Variants in ROBO2 observed in about 807,000 individuals in gnomAD.
ROBO2 encodes the protein roundabout guidance receptor 2, also known as roundabout homolog 2.
Under a neutral mutation model 160.8 loss-of-function variants are expected in ROBO2, and 53 were observed. That is an observed-to-expected ratio of 0.33 (90% CI 0.26 to 0.41). The LOEUF (loss-of-function observed/expected upper bound fraction) is 0.41, where lower values mean the gene tolerates loss of function less well. Among genes scored for constraint, ROBO2 ranks in the 10% least tolerant of loss-of-function variants. The probability of loss-of-function intolerance (pLI) is 1.00; values close to 1 mark genes in which losing one functional copy is unlikely to be tolerated. For missense variants in ROBO2, 1,577 were observed against 1,722.4 expected (o/e 0.92, Z 1.49); for synonymous variants, 664 against 611.7 (o/e 1.09, Z -1.26).
intron 19 of ROBO2, among the ~76,000 whole-genome samples, chr3:77,601,595 T>C (rs2094431360): frequency 6.6e-6 from 1 of 152,204 alleles, no homozygotes; most frequent in African/African-American, 2.4e-5. Flanking sequence ...CTGAGATTGC[T>C]TTTTCTATAG....
At chr3:76,318,180 A>T (rs2072202759) in intron 2 of ROBO2, among the ~76,000 whole-genome samples, 1 of 152,138 alleles carries the variant, frequency 6.6e-6, no homozygotes, top group Non-Finnish European at 1.5e-5. Context: ...ATATTAAAGT[A>T]GGTATATTAA....
chr3:75,992,558 C>T (rs1003184609), intron 2 of ROBO2, among the ~76,000 whole-genome samples: 3 of 152,120 alleles, frequency 2.0e-5, no homozygotes, highest in Admixed American at 6.5e-5. Flanking sequence ...TCAGGGAGAA[C>T]CTCTGCTAGG....
intron 2 of ROBO2, among the ~76,000 whole-genome samples, chr3:77,230,700 C>T (rs577208954): frequency 2.0e-4 from 31 of 152,248 alleles, no homozygotes; most frequent in African/African-American, 6.7e-4. Flanking sequence ...GTAAGGTTGG[C>T]TTCCACATTA....
intron 5 of ROBO2, among the ~76,000 whole-genome samples, chr3:77,521,362 G>A (rs2153627172): frequency 6.6e-6 from 1 of 151,286 alleles, no homozygotes; most frequent in East Asian, 2.0e-4. Flanking sequence ...TGCAGTGAGT[G>A]AAGCAGACAA....
chr3:77,339,289 A>C (rs2066815415), intron 2 of ROBO2, among the ~76,000 whole-genome samples: 1 of 152,128 alleles, frequency 6.6e-6, no homozygotes, highest in South Asian at 2.1e-4. Context: ...GACTGTAATT[A>C]AATGAGCAAA....
At chr3:77,608,087 C>A in intron 21 of ROBO2, 133 bp downstream of exon 22, 1 of 794,446 alleles carries the variant, frequency 1.3e-6, no homozygotes, top group Middle Eastern at 3.5e-4. Context: ...ATTTCCCCCT[C>A]TTTCATTGTT....
At chr3:76,610,493 C>A (rs1374036715) in intron 2 of ROBO2, among the ~76,000 whole-genome samples, 1 of 152,180 alleles carries the variant, frequency 6.6e-6, no homozygotes, top group Non-Finnish European at 1.5e-5. Flanking sequence ...CCCAGAGATG[C>A]CAGCAATTGT....
chr3:76,580,354 GT>G (rs1457222056), intron 2 of ROBO2, among the ~76,000 whole-genome samples: 15 of 46,340 alleles, frequency 3.2e-4, no homozygotes, highest in East Asian at 6.4e-4. Flanking sequence ...TTTTTTTTTT[GT>G]TTTTTTTTTT....
At chr3:76,657,514 G>A (rs979648295) in intron 2 of ROBO2, among the ~76,000 whole-genome samples, 1 of 150,706 alleles carries the variant, frequency 6.6e-6, no homozygotes, top group Non-Finnish European at 1.5e-5. Context: ...GTGAGGCCAA[G>A]ACAGGATAAT....
intron 1 of ROBO2, among the ~76,000 whole-genome samples, chr3:77,052,331 T>A (rs747325941): frequency 2.2e-4 from 33 of 152,150 alleles, no homozygotes; most frequent in Non-Finnish European, 4.0e-4. Flanking sequence ...GGATGAGGGT[T>A]GCTAAAGAGA....
chr3:77,345,731 A>C (rs1213894156), intron 2 of ROBO2, among the ~76,000 whole-genome samples: 7 of 152,160 alleles, frequency 4.6e-5, no homozygotes, highest in Non-Finnish European at 8.8e-5. Context: ...GTAAATCAAA[A>C]GGTGAAAATA....
intron 2 of ROBO2, among the ~76,000 whole-genome samples, chr3:76,622,241 A>AGAAAGAAAGAAAGAAAGAAGGAAG (rs2089202168): frequency 1.3e-4 from 5 of 37,460 alleles, no homozygotes; most frequent in Non-Finnish European, 2.5e-4. Context: ...GAAGGAAGAA[A>AGAAAGAAAGAAAGAAAGAAGGAAG]GAAAGAAAGA....
At chr3:76,756,264 A>G (rs192016603) in intron 2 of ROBO2, among the ~76,000 whole-genome samples, 14 of 151,928 alleles carry the variant, frequency 9.2e-5, no homozygotes, top group African/African-American at 3.4e-4. Flanking sequence ...AAGAGAAATA[A>G]TGGAAAAATA....
intron 2 of ROBO2, among the ~76,000 whole-genome samples, chr3:77,257,726 T>C (rs1013585078): frequency 6.6e-6 from 1 of 152,208 alleles, no homozygotes; most frequent in African/African-American, 2.4e-5. Flanking sequence ...TGTTCAGAAT[T>C]CAGGGCATTT....
chr3:77,086,959 T>G (rs1298130181), intron 1 of ROBO2, among the ~76,000 whole-genome samples: 1 of 152,180 alleles, frequency 6.6e-6, no homozygotes, highest in African/African-American at 2.4e-5. Flanking sequence ...TATCAAGAGT[T>G]TCTGACAAAT....
intron 2 of ROBO2, among the ~76,000 whole-genome samples, chr3:77,206,273 G>A (rs1359034872): frequency 1.3e-5 from 2 of 152,016 alleles, no homozygotes; most frequent in African/African-American, 4.8e-5. Flanking sequence ...GGGTTCAAGC[G>A]ATTGTCCTGC....
chr3:76,130,127 A>G (rs1486696291), intron 2 of ROBO2, among the ~76,000 whole-genome samples: 1 of 152,068 alleles, frequency 6.6e-6, no homozygotes, highest in Non-Finnish European at 1.5e-5. Flanking sequence ...ATTTTCATAT[A>G]TACTGGGTAA....
At chr3:77,606,958 A>G (rs989663317) in intron 20 of ROBO2, among the ~76,000 whole-genome samples, 2 of 152,196 alleles carry the variant, frequency 1.3e-5, no homozygotes, top group Non-Finnish European at 2.9e-5. Flanking sequence ...TTAAGGAAGA[A>G]GCTTTATCTA....
chr3:77,474,806 C>G (rs763680567), intron 2 of ROBO2, among the ~76,000 whole-genome samples: 2 of 152,056 alleles, frequency 1.3e-5, no homozygotes, highest in Non-Finnish European at 2.9e-5. Context: ...TTGTTTTTAT[C>G]GGCTACGATA....
Sources: gnomAD v4.1 joint callset for allele counts (sites outside exome capture counted in the v4.1 genomes callset) on GRCh38, gnomAD v4.1.1 for gene constraint, MANE v1.5 for transcripts, NCBI Gene and HGNC (gene_info 2026-07-23, HGNC 2026-07-21) for gene names.